Variants in SAE1 observed in about 807,000 individuals in gnomAD.
SAE1 encodes the protein SUMO-activating enzyme subunit 1.
SAE1 carries 11 observed loss-of-function variants against 40.6 expected under a neutral mutation model. The ratio of observed to expected loss-of-function variants is 0.27; its 90% CI spans 0.17 to 0.45. The LOEUF is 0.45. Ranked by LOEUF, SAE1 falls within the 20% of genes least tolerant of loss-of-function variation. The probability of loss-of-function intolerance (pLI) is 1.00; values close to 1 mark genes in which losing one functional copy is unlikely to be tolerated. For missense variants in SAE1, 373 were observed against 427.3 expected (o/e 0.87, Z 1.12); for synonymous variants, 155 against 154.3 (o/e 1.00, Z -0.03).
intron 6 of SAE1, among the ~76,000 whole-genome samples, chr19:47,186,250 A>AT (rs1344965317): frequency 2.8e-5 from 4 of 143,846 alleles, no homozygotes; most frequent in Non-Finnish European, 6.1e-5. Context: ...AAAAATAAAA[A>AT]TAAAAAAAAA....
chr19:47,190,199 A>G (rs1226451086), intron 6 of SAE1, among the ~76,000 whole-genome samples: 1 of 152,102 alleles, frequency 6.6e-6, no homozygotes, highest in Non-Finnish European at 1.5e-5. Context: ...TGGAACTCTA[A>G]TTTTGTGCAG....
At chr19:47,205,902 C>T (rs2058684270) in intron 8 of SAE1, among the ~76,000 whole-genome samples, 1 of 152,220 alleles carries the variant, frequency 6.6e-6, no homozygotes, top group South Asian at 2.1e-4. Flanking sequence ...TGAGCCTGTC[C>T]TCTTCACCAC....
chr19:47,181,054 C>T (rs930503131), intron 6 of SAE1, among the ~76,000 whole-genome samples: 6 of 152,184 alleles, frequency 3.9e-5, no homozygotes, highest in East Asian at 1.9e-4. Flanking sequence ...TGGTGGCTCA[C>T]GCCTATAATC....
At chr19:47,202,922 G>A (rs2058663686) in intron 7 of SAE1, among the ~76,000 whole-genome samples, 1 of 152,134 alleles carries the variant, frequency 6.6e-6, no homozygotes, top group African/African-American at 2.4e-5. Flanking sequence ...AAAAAGTCTA[G>A]AAGGATGTGC....
At position 47,130,840 on chromosome 19, in the gene SAE1, G is replaced by GGGC. The variant is rs1190569131; in HGVS notation, c.-89_-87dup. The GGGC allele has an allele frequency of 8.4e-6, 13 of 1,538,766 alleles. No individual in the cohort carries two copies. Among genetic ancestry groups the GGGC allele is most frequent in the African/African-American group, 1.4e-5 (1 of 72,536 alleles). Reference sequence around the variant, plus strand: ...GTCTGCGCATGCGCAGAAGCACTCCGGGCGTGCTGCCGGCGGCGGTAGGTG... The same window carrying GGGC: ...GTCTGCGCATGCGCAGAAGCACTCCGGGCGGCGTGCTGCCGGCGGCGGTAGGTG... On this transcript the variant is annotated 5_prime_UTR_variant, in exon 1 of 9. Transcript: ENST00000270225.
chr19:47,150,438 A>G, intron 3 of SAE1, 63 bp downstream of exon 3: 1 of 1,329,802 alleles, frequency 7.5e-7, no homozygotes, highest in Non-Finnish European at 1.0e-6. Context: ...AGTTGTATAT[A>G]CTTTCAAATC....
chr19:47,184,723 ATTT>A (rs887109529), intron 6 of SAE1, among the ~76,000 whole-genome samples: 11 of 151,334 alleles, frequency 7.3e-5, no homozygotes, highest in Admixed American at 5.3e-4. Context: ...GTTCTGTCGT[ATTT>A]TTTTACGTAG....
intron 1 of SAE1, among the ~76,000 whole-genome samples, chr19:47,132,955 A>G (rs1310497849): frequency 6.6e-6 from 1 of 151,130 alleles, no homozygotes; most frequent in Non-Finnish European, 1.5e-5. Flanking sequence ...GTGAAGTGAG[A>G]GGGTTGTTTT....
chr19:47,134,571 T>C (rs1407763688), intron 1 of SAE1, among the ~76,000 whole-genome samples: 1 of 151,236 alleles, frequency 6.6e-6, no homozygotes, highest in Non-Finnish European at 1.5e-5. Flanking sequence ...TTTATGTGAG[T>C]TGGAGGAAAC....
intron 7 of SAE1, among the ~76,000 whole-genome samples, chr19:47,200,579 G>T (rs1335509854): frequency 1.3e-5 from 2 of 151,900 alleles, no homozygotes; most frequent in South Asian, 2.1e-4. Flanking sequence ...TCACTCTGCT[G>T]CCCAGGCTGT....
chr19:47,137,482 T>C (rs1191544098), intron 1 of SAE1, among the ~76,000 whole-genome samples: 1 of 152,188 alleles, frequency 6.6e-6, no homozygotes, highest in African/African-American at 2.4e-5. Context: ...GGAGTTTTTA[T>C]TGATAGTTGA....
At position 47,143,526 on chromosome 19, in the gene SAE1, T is replaced by C; in HGVS notation, c.131T>C (p.Leu44Ser). 1.2e-6 allele frequency: 2 copies of C among 1,614,134 alleles called. No individual in the cohort carries two copies. Among genetic ancestry groups the C allele is most frequent in the Non-Finnish European group, 1.7e-6 (2 of 1,180,026 alleles). The change falls in exon 2 of 9, where the codon TTG (leucine) becomes TCG (serine). Residue 44 changes from leucine (L) to serine (S), a missense_variant. By Grantham distance (145) the Leu-to-Ser change is moderately radical. Transcript: ENST00000270225. ...LRASRVLLVG[L>S]KGLGAEIAKN... ...GCCTCTCGGGTGCTTCTTGTCGGCT[T>C]GAAAGGACTTGGGGCTGAAATTGCC... is the stretch of plus-strand genomic sequence containing the variant.
At position 47,152,963 on chromosome 19, in the gene SAE1, C is replaced by T. The variant is rs763624438; in HGVS notation, c.450C>T (p.Ser150=). ...VKVDQICHKN[S]IKFFTGDVFG... ...TTGACCAGATCTGTCACAAAAATAG[C>T]ATCAAGTTCTTTACAGGAGATGTTT... Residue 150 remains serine, a synonymous_variant, in exon 4 of 9, where the codon AGC becomes AGT. Coordinates refer to ENST00000270225, the MANE Select transcript of SAE1 (RefSeq NM_005500.3). 28 of 1,612,628 alleles carry T rather than the reference C, an allele frequency of 1.7e-5. No homozygotes were observed. In the South Asian group the frequency reaches 2.7e-4, roughly 16 times the overall value.
chr19:47,149,163 CTTTTTTTTTTT>C (rs958403274), intron 2 of SAE1, among the ~76,000 whole-genome samples: 3 of 86,482 alleles, frequency 3.5e-5, no homozygotes, highest in East Asian at 6.8e-4. Flanking sequence ...CACTGGTCTA[CTTTTTTTTTTT>C]TTTTTTTTTT....
intron 5 of SAE1, among the ~76,000 whole-genome samples, chr19:47,155,762 T>C (rs935333491): frequency 1.4e-5 from 2 of 143,500 alleles, no homozygotes; most frequent in African/African-American, 5.2e-5. Context: ...TTTTTTTTTT[T>C]TTTTGAGATG....
intron 5 of SAE1, 119 bp from the exon 6 acceptor site, chr19:47,169,699 T>G (rs2058418539): frequency 1.2e-5 from 9 of 731,688 alleles, no homozygotes; most frequent in Non-Finnish European, 2.2e-5. Context: ...GGCCCCTGCT[T>G]CTTTTAATGG....
intron 6 of SAE1, among the ~76,000 whole-genome samples, chr19:47,177,801 T>G (rs1362207749): frequency 6.6e-6 from 1 of 152,148 alleles, no homozygotes; most frequent in African/African-American, 2.4e-5. Context: ...AGATCTGAGC[T>G]GTATTTCTCG....
intron 7 of SAE1, among the ~76,000 whole-genome samples, chr19:47,199,388 C>G (rs1466941867): frequency 2.2e-5 from 2 of 92,750 alleles, no homozygotes; most frequent in Non-Finnish European, 4.1e-5. Context: ...GAGACTCCTT[C>G]TCAAAAAAAA....
At position 47,155,209 on chromosome 19, in the gene SAE1, A is replaced by G; in HGVS notation, c.623A>G (p.Lys208Arg). 6.2e-7 allele frequency: 1 copy of G among 1,610,974 alleles called. No individual in the cohort carries two copies. Among genetic ancestry groups the G allele is most frequent in the Non-Finnish European group, 8.5e-7 (1 of 1,177,206 alleles). The change falls in exon 5 of 9, where the codon AAA (lysine) becomes AGA (arginine). Residue 208 changes from lysine (K) to arginine (R), a missense_variant. By Grantham distance (26) the Lys-to-Arg change is conservative (BLOSUM62 2). This residue lies in a region of SAE1 where 351 missense variants were observed against 390.6 expected (regional missense o/e 0.90). Coordinates refer to ENST00000270225, the MANE Select transcript of SAE1 (RefSeq NM_005500.3). ...GATTCTTCTGAGACAACGATGGTCA[A>G]AAAGGTATGTGTAACGTGGGGGCAG... ...KLDSSETTMV[K>R]KKVVFCPVKE...
Sources: allele counts gnomAD v4.1 joint callset (sites outside exome capture counted in the v4.1 genomes callset), GRCh38; gene constraint gnomAD v4.1.1; regional missense constraint gnomAD v4.1.1; transcripts MANE v1.5; gene names NCBI Gene and HGNC (gene_info 2026-07-23, HGNC 2026-07-21).